The following APP variants were observed in gnomAD, a reference collection of about 807,000 sequenced individuals.
APP encodes amyloid beta precursor protein.
In APP, 31 loss-of-function variants were observed where a neutral mutation model predicts 101.4. The observed-to-expected ratio is 0.31, with a 90% CI of 0.23 to 0.41. The LOEUF is 0.41. APP is among the 10% of genes least tolerant of loss of function. APP has a pLI of 1.00. For synonymous variants in APP, 366 were observed against 364.4 expected (o/e 1.00, Z -0.05); for missense variants, 839 against 1,003.7 (o/e 0.84, Z 2.22).
chr21:25,949,656 G>A (rs902285069), intron 13 of APP, among the ~76,000 whole-genome samples: 1 of 152,172 alleles, frequency 6.6e-6, no homozygotes, highest in African/African-American at 2.4e-5. Flanking sequence ...GCTGGATCTT[G>A]AGGAGGCAAG....
At chr21:26,142,196 C>T (rs1038873647) in intron 1 of APP, among the ~76,000 whole-genome samples, 2 of 152,130 alleles carry the variant, frequency 1.3e-5, no homozygotes, top group Admixed American at 1.3e-4. Context: ...ATCCACTGGA[C>T]CTTCCCTAAG....
chr21:26,029,883 A>T lies in APP; in HGVS notation c.663-7841T>A, dbSNP rs142328036. On this transcript the variant is annotated intron_variant, in intron 5 of 17. Transcript: ENST00000346798. ...TACGGATTGTAAAAATGACCATTTA[A>T]AGTCAAACCAACTTCTCTCAACACA... Among the ~76,000 whole-genome samples the T allele has an allele frequency of 2.1e-3, 321 of 152,318 alleles. 1 individual carries two copies. The highest frequency in any genetic ancestry group is 7.4e-3 in the African/African-American group (306 of 41,564).
At chr21:25,884,014 G>T (rs1224974362) in intron 17 of APP, among the ~76,000 whole-genome samples, 4 of 151,608 alleles carry the variant, frequency 2.6e-5, no homozygotes, top group Non-Finnish European at 4.4e-5. Flanking sequence ...GAGTAGCTGG[G>T]ATTACAGGCA....
intron 5 of APP, among the ~76,000 whole-genome samples, chr21:26,030,785 T>C (rs529121078): frequency 5.7e-4 from 87 of 152,270 alleles, no homozygotes; most frequent in African/African-American, 2.0e-3. Flanking sequence ...AACGAGCAAA[T>C]TCCTCATGTC....
chr21:26,097,892 A>C (rs2061980814), intron 2 of APP, among the ~76,000 whole-genome samples: 1 of 152,068 alleles, frequency 6.6e-6, no homozygotes, highest in Non-Finnish European at 1.5e-5. Context: ...CATCCTGGCT[A>C]ACATGGTGAA....
chr21:25,981,378 ACTTTAACCTGAGAT>A (rs1268946751), intron 9 of APP, among the ~76,000 whole-genome samples: 1 of 152,230 alleles, frequency 6.6e-6, no homozygotes, highest in Non-Finnish European at 1.5e-5. Context: ...TGAATGGCTT[ACTTTAACCTGAGAT>A]CTTTATTCAT....
intron 6 of APP, among the ~76,000 whole-genome samples, chr21:26,012,712 A>T (rs1051439833): frequency 7.6e-3 from 2 of 264 alleles, no homozygotes; most frequent in Middle Eastern, 0.5. Flanking sequence ...TGGTGGCTCA[A>T]ACCAGTAACC....
chr21:25,982,369 G>C lies in APP; in HGVS notation c.1199C>G (p.Ala400Gly). The C allele has an allele frequency of 6.2e-7, 1 of 1,613,732 alleles. No homozygotes were observed. Among genetic ancestry groups the C allele is most frequent in the Middle Eastern group, 1.7e-4 (1 of 6,058 alleles). Residue 400 changes from alanine (A) to glycine (G), a missense_variant, in exon 9 of 18, where the codon GCC (alanine) becomes GGC (glycine). By Grantham distance (60) the Ala-to-Gly change is moderately conservative. Coordinates refer to ENST00000346798, the MANE Select transcript of APP (RefSeq NM_000484.4). ...CTGGGACATTCTCTCTCGGTGCTTGGCCTCAAGCCTCTCTTTGGCTTTCTG... is the reference window on the plus strand; with the variant it reads ...CTGGGACATTCTCTCTCGGTGCTTGCCCTCAAGCCTCTCTTTGGCTTTCTG... The part of the protein sequence containing the change: ...HFQKAKERLE[A>G]KHRERMSQVM...
chr21:26,169,111 T>TATGA (rs1325631501), intron 1 of APP: 1 of 152,194 alleles, frequency 6.6e-6, no homozygotes, highest in African/African-American at 2.4e-5. Flanking sequence ...CCAACTGTCA[T>TATGA]GCAAACAACT....
intron 13 of APP, chr21:25,941,696 A>T (rs1169274178): frequency 1.3e-5 from 2 of 152,258 alleles, no homozygotes; most frequent in East Asian, 3.9e-4. Flanking sequence ...GGCTGCTCTC[A>T]AACTCCTGAC....
chr21:26,156,856 C>T (rs972893092), intron 1 of APP, among the ~76,000 whole-genome samples: 3 of 105,254 alleles, frequency 2.9e-5, no homozygotes, highest in Non-Finnish European at 5.0e-5. Flanking sequence ...ATGGGCTTCA[C>T]GGGTGAAAAA....
At chr21:26,163,079 A>AC (rs2063528193) in intron 1 of APP, among the ~76,000 whole-genome samples, 1 of 148,548 alleles carries the variant, frequency 6.7e-6, no homozygotes, top group Admixed American at 6.7e-5. Context: ...AAAAAAAAAA[A>AC]CAAAAACAAA....
chr21:26,012,307 CT>C lies in APP; in HGVS notation c.865+9532del, dbSNP rs112703303. Among the ~76,000 whole-genome samples, 1,317 of 145,924 alleles carry C rather than the reference CT, an allele frequency of 9.0e-3. 16 individuals carry two copies. Among genetic ancestry groups the C allele is most frequent in the African/African-American group, 0.026 (1,046 of 40,162 alleles). On this transcript the variant is annotated intron_variant, in intron 6 of 17. Coordinates refer to ENST00000346798, the MANE Select transcript of APP (RefSeq NM_000484.4). ...AGATACCATGCCTGGCCTGTAAACA[CT>C]TTTTTTTTTTTAACACTGTAAAAGT...
chr21:25,898,796 C>T (rs1014697171), intron 15 of APP, among the ~76,000 whole-genome samples: 2 of 152,172 alleles, frequency 1.3e-5, no homozygotes, highest in Non-Finnish European at 2.9e-5. Context: ...TCTTGTCTTA[C>T]TTGGGCTACA....
intron 13 of APP, among the ~76,000 whole-genome samples, chr21:25,916,192 G>C (rs1000089493): frequency 2.0e-5 from 3 of 152,200 alleles, no homozygotes; most frequent in Non-Finnish European, 4.4e-5. Flanking sequence ...AGTAGAGACA[G>C]AGTTTCTCCA....
chr21:25,942,850 G>T (rs2040634856), intron 13 of APP, among the ~76,000 whole-genome samples: 1 of 152,120 alleles, frequency 6.6e-6, no homozygotes, highest in Non-Finnish European at 1.5e-5. Context: ...ATTTCACGAT[G>T]CTGTGCAATG....
intron 11 of APP, among the ~76,000 whole-genome samples, chr21:25,956,055 T>A (rs1185976384): frequency 6.6e-6 from 1 of 152,216 alleles, no homozygotes; most frequent in Non-Finnish European, 1.5e-5. Flanking sequence ...GAGAACAGAT[T>A]TGAGGTCTGT....
intron 5 of APP, among the ~76,000 whole-genome samples, chr21:26,026,795 C>CA (rs1403633950): frequency 1.3e-5 from 2 of 152,134 alleles, no homozygotes; most frequent in African/African-American, 4.8e-5. Context: ...GACAGTTTTC[C>CA]AAACTCACAG....
chr21:25,972,290 A>G (rs888221240), intron 11 of APP, among the ~76,000 whole-genome samples: 1 of 152,196 alleles, frequency 6.6e-6, no homozygotes, highest in African/African-American at 2.4e-5. Context: ...TATCAAAATT[A>G]AATTGTTAAA....
Sources: allele counts gnomAD v4.1 joint callset (sites outside exome capture counted in the v4.1 genomes callset), GRCh38; gene constraint gnomAD v4.1.1; transcripts MANE v1.5; gene names NCBI Gene and HGNC (gene_info 2026-07-23, HGNC 2026-07-21).